The following PHLDB2 variants were observed in gnomAD, a reference collection of about 807,000 sequenced individuals.
PHLDB2 encodes the protein pleckstrin homology like domain family B member 2, also known as pleckstrin homology-like domain family B member 2.
Under a neutral mutation model 123.6 loss-of-function variants are expected in PHLDB2, and 71 were observed. The observed-to-expected ratio is 0.57, with a 90% CI of 0.47 to 0.70. The LOEUF is 0.70. Among genes scored for constraint, PHLDB2 ranks in the 30% least tolerant of loss-of-function variants. The probability of loss-of-function intolerance (pLI) is 0.00; values close to 1 mark genes in which losing one functional copy is unlikely to be tolerated. For synonymous variants in PHLDB2, 547 were observed against 541.6 expected (o/e 1.01, Z -0.14); for missense variants, 1,446 against 1,519.5 (o/e 0.95, Z 0.80).
At chr3:111,863,890 C>T (rs1375337426) in intron 1 of PHLDB2, among the ~76,000 whole-genome samples, 1 of 152,156 alleles carries the variant, frequency 6.6e-6, no homozygotes, top group Non-Finnish European at 1.5e-5. Flanking sequence ...TGTATACTCT[C>T]CTGTTTACAT....
At chr3:111,805,909 C>T (rs1376634810) in intron 1 of PHLDB2, among the ~76,000 whole-genome samples, 2 of 138,862 alleles carry the variant, frequency 1.4e-5, no homozygotes. Flanking sequence ...AAGCCAGTCA[C>T]AGAAGACTAC....
intron 1 of PHLDB2, among the ~76,000 whole-genome samples, chr3:111,873,114 A>G (rs1044947118): frequency 1.3e-5 from 2 of 152,200 alleles, no homozygotes; most frequent in African/African-American, 4.8e-5. Flanking sequence ...GAAATGGTGC[A>G]TGGCTGTTTC....
chr3:111,928,343 A>C (rs2068925005), intron 5 of PHLDB2, among the ~76,000 whole-genome samples: 3 of 152,220 alleles, frequency 2.0e-5, no homozygotes, highest in African/African-American at 7.2e-5. Context: ...AATTGTAGTT[A>C]ATTGCTTTTG....
At chr3:111,848,717 T>C (rs2064122235) in intron 2 of PHLDB2, among the ~76,000 whole-genome samples, 2 of 152,236 alleles carry the variant, frequency 1.3e-5, no homozygotes, top group Admixed American at 6.5e-5. Flanking sequence ...CCTGCAAGAT[T>C]ATAATGGAGT....
At chr3:111,757,621 T>C (rs1426829583) in intron 1 of PHLDB2, among the ~76,000 whole-genome samples, 2 of 152,274 alleles carry the variant, frequency 1.3e-5, no homozygotes, top group Non-Finnish European at 2.9e-5. Context: ...GGTGAGGAGC[T>C]GCGTTCCTCT....
chr3:111,953,328 C>G (rs1003331463), intron 11 of PHLDB2, among the ~76,000 whole-genome samples: 3 of 152,130 alleles, frequency 2.0e-5, no homozygotes, highest in Non-Finnish European at 4.4e-5. Context: ...AGAGAAGAGG[C>G]AGGTGTGAAG....
chr3:111,746,041 G>A (rs2059676564), intron 1 of PHLDB2, among the ~76,000 whole-genome samples: 1 of 152,152 alleles, frequency 6.6e-6, no homozygotes, highest in African/African-American at 2.4e-5. Context: ...TGACTGGAAA[G>A]GTATTAAATA....
chr3:111,790,492 TTAGGAGTTGCTCAG>T (rs1358909275), intron 1 of PHLDB2, among the ~76,000 whole-genome samples: 33 of 152,352 alleles, frequency 2.2e-4, no homozygotes, highest in African/African-American at 7.9e-4. Context: ...ACTTGAGGCA[TTAGGAGTTGCTCAG>T]TAGGTTGCTG....
chr3:111,742,654 G>A (rs533861161), intron 1 of PHLDB2, among the ~76,000 whole-genome samples: 16 of 152,254 alleles, frequency 1.1e-4, no homozygotes, highest in African/African-American at 3.9e-4. Flanking sequence ...CCTTTTTTAT[G>A]GCTGCATAGT....
At position 111,920,339 on chromosome 3, in the gene PHLDB2, A is replaced by C. The variant is rs755169203; in HGVS notation, c.1921A>C (p.Met641Leu). The C allele has an allele frequency of 6.2e-7, 1 of 1,614,090 alleles. No homozygotes were observed. The highest frequency in any genetic ancestry group is 8.5e-7 in the Non-Finnish European group (1 of 1,179,944). ...ACAGAAATCTGAAACAACTGAACTTATGAAGGAGAAGGAGATTTTGGATCA... is the reference window on the plus strand; with the variant it reads ...ACAGAAATCTGAAACAACTGAACTTCTGAAGGAGAAGGAGATTTTGGATCA... Reference protein sequence around the residue: ...GEQKSETTELMKEKEILDHLN... With the variant: ...GEQKSETTELLKEKEILDHLN... The change falls in exon 5 of 18, where the codon ATG (methionine) becomes CTG (leucine). Residue 641 changes from methionine to leucine, a missense_variant. Physicochemically the swap from Met to Leu is conservative, Grantham distance 15 (BLOSUM62 2). This residue lies in a region of PHLDB2 where 832 missense variants were observed against 831.9 expected (regional missense o/e 1.00). Transcript: ENST00000431670.
intron 1 of PHLDB2, among the ~76,000 whole-genome samples, chr3:111,780,404 A>G (rs925962003): frequency 2.7e-5 from 4 of 146,102 alleles, no homozygotes; most frequent in African/African-American, 7.7e-5. Context: ...GAAGAAGAAG[A>G]AGAAGAAAAA....
intron 8 of PHLDB2, among the ~76,000 whole-genome samples, chr3:111,944,952 G>A (rs376655301): frequency 3.3e-5 from 5 of 152,242 alleles, no homozygotes; most frequent in East Asian, 3.9e-4. Context: ...GATTACAGGC[G>A]TGAGCCATCA....
chr3:111,966,021 T>A (rs1290746421), intron 13 of PHLDB2, among the ~76,000 whole-genome samples: 3 of 152,174 alleles, frequency 2.0e-5, no homozygotes, highest in African/African-American at 7.2e-5. Context: ...AACTGGCCAC[T>A]ATCCATCCAT....
At chr3:111,950,584 T>C (rs1467888162) in intron 10 of PHLDB2, among the ~76,000 whole-genome samples, 1 of 152,110 alleles carries the variant, frequency 6.6e-6, no homozygotes, top group Non-Finnish European at 1.5e-5. Flanking sequence ...ACACTCAGAG[T>C]ACATTGATGC....
At chr3:111,793,585 C>T (rs1412619692) in intron 1 of PHLDB2, among the ~76,000 whole-genome samples, 1 of 151,856 alleles carries the variant, frequency 6.6e-6, no homozygotes, top group Non-Finnish European at 1.5e-5. Context: ...AGAAAGAGTC[C>T]CTCCCCATAG....
intron 1 of PHLDB2, among the ~76,000 whole-genome samples, chr3:111,793,876 C>T (rs1300084515): frequency 6.6e-6 from 1 of 151,478 alleles, no homozygotes; most frequent in African/African-American, 2.4e-5. Flanking sequence ...TGTGGCTCAG[C>T]TGGTATCCAA....
At chr3:111,857,807 G>C (rs537504131), upstream of PHLDB2, among the ~76,000 whole-genome samples, 7 of 152,318 alleles carry the variant, frequency 4.6e-5, no homozygotes, top group South Asian at 1.5e-3. Context: ...GGAAATAACA[G>C]ACGCTGCAGA....
intron 5 of PHLDB2, among the ~76,000 whole-genome samples, chr3:111,930,433 G>T: frequency 6.6e-6 from 1 of 151,682 alleles, no homozygotes. Context: ...TTACTTTTTA[G>T]CTTTCCATTT....
intron 1 of PHLDB2, among the ~76,000 whole-genome samples, chr3:111,883,078 T>C (rs958574579): frequency 6.6e-6 from 1 of 152,188 alleles, no homozygotes; most frequent in African/African-American, 2.4e-5. Flanking sequence ...ATGAGTTCAG[T>C]GACAATGTTT....
Sources: gnomAD v4.1 joint callset for allele counts (sites outside exome capture counted in the v4.1 genomes callset) on GRCh38, gnomAD v4.1.1 for gene constraint, gnomAD v4.1.1 regional missense constraint, MANE v1.5 for transcripts, NCBI Gene and HGNC (gene_info 2026-07-23, HGNC 2026-07-21) for gene names.